FTL: variants seen among roughly 807,000 people sequenced by gnomAD.
The protein encoded by FTL is epididymis secretory sperm binding protein.
Under a neutral mutation model 16.6 loss-of-function variants are expected in FTL, and 17 were observed. The observed-to-expected ratio is 1.02, with a 90% CI of 0.70 to 1.53. FTL has a LOEUF of 1.53. Ranked by LOEUF, FTL falls within the 40% of genes most tolerant of loss-of-function variation. The probability of loss-of-function intolerance (pLI) is 0.00; values close to 1 mark genes in which losing one functional copy is unlikely to be tolerated. For missense variants in FTL, 186 were observed against 226.1 expected (o/e 0.82, Z 1.14); for synonymous variants, 73 against 89.9 (o/e 0.81, Z 1.06).
intron 2 of FTL, 60 bp from the exon 3 acceptor site, chr19:48,966,221 G>A: frequency 6.2e-7 from 1 of 1,611,928 alleles, no homozygotes. Flanking sequence ...CTTGGGAAAT[G>A]TAGGTTTAGT....
intron 2 of FTL, 86 bp downstream of exon 2, chr19:48,966,002 G>C (rs746300071): frequency 6.5e-7 from 1 of 1,529,636 alleles, no homozygotes; most frequent in Non-Finnish European, 8.9e-7. Context: ...GTGTCGCGTG[G>C]GCTTCTGGGA....
chr19:48,965,591 C>CTACACCT lies in FTL; in HGVS notation c.85_91dup (p.Tyr31LeufsTer14), dbSNP rs2038442331. 1 of 1,613,508 alleles carries CTACACCT rather than the reference C, an allele frequency of 6.2e-7. No homozygotes were observed. Among genetic ancestry groups the CTACACCT allele is most frequent in the East Asian group, 2.2e-5 (1 of 44,870 alleles). On this transcript the variant is annotated frameshift_variant, in exon 1 of 4. Transcript: ENST00000331825. ...TGGTCAATTTGTACCTGCAGGCCTC[C>CTACACCT]TACACCTACCTCTCTCTGGTGAGTC...
chr19:48,966,427 T>C (rs1342442503), intron 3 of FTL, 21 bp downstream of exon 3: 2 of 1,614,022 alleles, frequency 1.2e-6, no homozygotes, highest in African/African-American at 1.3e-5. Flanking sequence ...GCTGCATCCA[T>C]GGCTACCCAA....
Position 48,965,827 on chromosome 19 carries a change from G to A in FTL, c.160G>A (p.Glu54Lys), listed in dbSNP as rs1206340393. The change falls in exon 2 of 4, where the codon GAA becomes AAA. Residue 54 changes from glutamate (E) to lysine (K), a missense_variant. Transcript: ENST00000331825. ...GGAAGGCGTGAGCCACTTCTTCCGC[G>A]AATTGGCCGAGGAGAAGCGCGAGGG... ...ALEGVSHFFRELAEEKREGYE... is the reference protein window; with the variant it reads ...ALEGVSHFFRKLAEEKREGYE... The A allele has an allele frequency of 2.5e-6, 4 of 1,614,050 alleles. No individual in the cohort carries two copies. The highest frequency in any genetic ancestry group is 3.4e-6 in the Non-Finnish European group (4 of 1,180,038).
At chr19:48,966,518 A>G in intron 3 of FTL, 65 bp from the exon 4 acceptor site, 1 of 1,612,232 alleles carries the variant, frequency 6.2e-7, no homozygotes, top group Non-Finnish European at 8.5e-7. Flanking sequence ...TTAATCTGCA[A>G]CTGGCTGCTC....
chr19:48,965,603 C>T lies in FTL; in HGVS notation c.96C>T (p.Leu32=), dbSNP rs1240532060. The part of the protein sequence containing the change: ...NLYLQASYTY[L]SLGFYFDRDD... ...ACCTGCAGGCCTCCTACACCTACCT[C>T]TCTCTGGTGAGTCCCCAGGACGCCC... Residue 32 remains leucine, a synonymous_variant, in exon 1 of 4, where the codon CTC becomes CTT. Coordinates refer to ENST00000331825, the MANE Select transcript of FTL (RefSeq NM_000146.4). 6.2e-7 allele frequency: 1 copy of T among 1,612,888 alleles called. No homozygotes were observed. Among genetic ancestry groups the T allele is most frequent in the Non-Finnish European group, 8.5e-7 (1 of 1,178,944 alleles).
chr19:48,966,472 A>T (rs1294207956), intron 3 of FTL, 66 bp downstream of exon 3: 1 of 1,613,534 alleles, frequency 6.2e-7, no homozygotes, highest in African/African-American at 1.3e-5. Flanking sequence ...CTTTGGGCAA[A>T]TTTCCTTCAG....
chr19:48,965,729 C>T (rs1329155373), intron 1 of FTL, 41 bp from the exon 2 acceptor site: 2 of 1,613,704 alleles, frequency 1.2e-6, no homozygotes, highest in African/African-American at 1.3e-5. Context: ...CCCTTGGCCT[C>T]GCCTCCCGCT....
In FTL at chr19:48,965,922, T is replaced by G. The variant is rs376987924; in HGVS notation, c.249+6T>G. On this transcript the variant is annotated splice_donor_region_variant and intron_variant, in intron 2 of 3. Transcript: ENST00000331825. ...CTCTCTTCCAGGACATCAAGGTAAC[T>G]AGTGTGTGGGTAATGGACTACATCT... is the stretch of plus-strand genomic sequence containing the variant. The G allele has an allele frequency of 2.4e-5, 39 of 1,613,850 alleles. No homozygotes were observed. Among genetic ancestry groups the G allele is most frequent in the African/African-American group, 6.7e-5 (5 of 74,922 alleles).
intron 2 of FTL, 146 bp from the exon 3 acceptor site, chr19:48,966,135 T>C: frequency 7.5e-7 from 1 of 1,325,260 alleles, no homozygotes; most frequent in Non-Finnish European, 1.1e-6. Flanking sequence ...CTGTAAGAGC[T>C]AGGACAGGGT....
Position 48,966,746 on chromosome 19 carries a change from A to G in FTL, c.*11A>G, listed in dbSNP as rs3211588. The stretch of plus-strand genomic sequence containing the variant: ...CTCAAGCACGACTAAGAGCCTTCTG[A>G]GCCCAGCGACTTCTGAAGGGCCCCT... On this transcript the variant is annotated 3_prime_UTR_variant, in exon 4 of 4. Coordinates refer to ENST00000331825, the MANE Select transcript of FTL (RefSeq NM_000146.4). 15 of 1,612,438 alleles carry G rather than the reference A, an allele frequency of 9.3e-6. No homozygotes were observed. The highest frequency in any genetic ancestry group is 1.3e-5 in the Non-Finnish European group (15 of 1,179,870).
Position 48,966,609 on chromosome 19 carries a change from C to G in FTL, c.402C>G (p.Phe134Leu). 1 of 1,614,132 alleles carries G rather than the reference C, an allele frequency of 6.2e-7. No individual in the cohort carries two copies. The highest frequency in any genetic ancestry group is 8.5e-7 in the Non-Finnish European group (1 of 1,180,012). The change falls in exon 4 of 4, where the codon TTC (phenylalanine) becomes TTG (leucine). Residue 134 changes from phenylalanine (F) to leucine (L), a missense_variant. Phe to Leu is a conservative substitution (Grantham distance 22, BLOSUM62 0). Transcript: ENST00000331825. ...PHLCDFLETHFLDEEVKLIKK... is the reference protein window; with the variant it reads ...PHLCDFLETHLLDEEVKLIKK... ...TCTGTGACTTCCTGGAGACTCACTT[C>G]CTAGATGAGGAAGTGAAGCTTATCA...
chr19:48,965,398 C>T lies in FTL; in HGVS notation c.-110C>T. On this transcript the variant is annotated 5_prime_UTR_variant, in exon 1 of 4. Transcript: ENST00000331825. ...GACTCTCTTCCAGCCTCCGACCGCC[C>T]TCCGATTTCCTCTCCGCTTGCAACC... The T allele has an allele frequency of 1.0e-5, 8 of 780,224 alleles. No individual in the cohort carries two copies. The highest frequency in any genetic ancestry group is 1.6e-5 in the Non-Finnish European group (7 of 441,234). 48.3% of individuals were successfully genotyped at this position (780,224 alleles called of 1,614,324 possible). A position where few individuals can be genotyped will look rare whatever the true frequency, so the allele number is the denominator to read the frequency against.
rs1568611976 is a variant in FTL, at chr19:48,965,345, A to G, written c.-163A>G. 2 of 678,320 alleles carry G rather than the reference A, an allele frequency of 2.9e-6. No homozygotes were observed. Among genetic ancestry groups the G allele is most frequent in the Admixed American group, 2.0e-5 (1 of 48,792 alleles). The allele number at this position is 678,320 out of a possible 1,614,324, so 42.0% of individuals were successfully genotyped here. The stretch of plus-strand genomic sequence containing the variant: ...GTCCCGCGGGTCTGTCTCTTGCTTC[A>G]ACAGTGTTTGGACGGAACAGATCCG... On this transcript the variant is annotated 5_prime_UTR_variant, in exon 1 of 4. Coordinates refer to ENST00000331825, the MANE Select transcript of FTL (RefSeq NM_000146.4).
rs11553205 is a variant in FTL, at chr19:48,965,536, C to G, written c.29C>G (p.Ser10Cys). 1 of 1,613,858 alleles carries G rather than the reference C, an allele frequency of 6.2e-7. No homozygotes were observed. Among genetic ancestry groups the G allele is most frequent in the Admixed American group, 1.7e-5 (1 of 59,996 alleles). MSSQIRQNY[S>C]TDVEAAVNSL... is the part of the protein sequence containing the mutation. ...AGCTCCCAGATTCGTCAGAATTATT[C>G]CACCGACGTGGAGGCAGCCGTCAAC... The change falls in exon 1 of 4, where the codon TCC (serine) becomes TGC (cysteine). Residue 10 changes from serine (S) to cysteine (C), a missense_variant. Coordinates refer to ENST00000331825, the MANE Select transcript of FTL (RefSeq NM_000146.4).
chr19:48,966,594 C>T lies in FTL; in HGVS notation c.387C>T (p.Phe129=), dbSNP rs770055098. Reference sequence around the variant, plus strand: ...CTCTTCTCTCTCAGCTCTGTGACTTCCTGGAGACTCACTTCCTAGATGAGG... The same window carrying T: ...CTCTTCTCTCTCAGCTCTGTGACTTTCTGGAGACTCACTTCCTAGATGAGG... The part of the protein sequence containing the change: ...SARTDPHLCD[F]LETHFLDEEV... The change falls in exon 4 of 4, where the codon TTC becomes TTT. Residue 129 remains phenylalanine (F), a synonymous_variant. Transcript: ENST00000331825. 1.9e-6 allele frequency: 3 copies of T among 1,614,018 alleles called. No individual in the cohort carries two copies. Among genetic ancestry groups the T allele is most frequent in the South Asian group, 1.1e-5 (1 of 91,088 alleles).
At chr19:48,966,195 C>T in intron 2 of FTL, 86 bp from the exon 3 acceptor site, 3 of 1,592,686 alleles carry the variant, frequency 1.9e-6, no homozygotes, top group Non-Finnish European at 2.6e-6. Context: ...GCCTGGGCCT[C>T]TGACCCCCAA....
Position 48,965,391 on chromosome 19 carries a change from G to T in FTL, c.-117G>T. 1.3e-6 allele frequency: 1 copy of T among 754,582 alleles called. No individual in the cohort carries two copies. Among genetic ancestry groups the T allele is most frequent in the South Asian group, 1.4e-5 (1 of 71,508 alleles). The allele number at this position is 754,582 out of a possible 1,614,324, so 46.7% of individuals were successfully genotyped here. A position where few individuals can be genotyped will look rare whatever the true frequency, so the allele number is the denominator to read the frequency against. On this transcript the variant is annotated 5_prime_UTR_variant, in exon 1 of 4. Transcript: ENST00000331825. ...ATCCGGGGACTCTCTTCCAGCCTCC[G>T]ACCGCCCTCCGATTTCCTCTCCGCT...
In FTL at chr19:48,965,915, A is replaced by G. The variant is rs1403032076; in HGVS notation, c.248A>G (p.Lys83Arg). The change falls in exon 2 of 4, where the codon AAG becomes AGG. Residue 83 changes from lysine (K) to arginine (R), a missense_variant and splice_region_variant. By Grantham distance (26) the Lys-to-Arg change is conservative (BLOSUM62 2). Transcript: ENST00000331825. Reference sequence around the variant, plus strand: ...GGCCGCGCTCTCTTCCAGGACATCAAGGTAACTAGTGTGTGGGTAATGGAC... The same window carrying G: ...GGCCGCGCTCTCTTCCAGGACATCAGGGTAACTAGTGTGTGGGTAATGGAC... The part of the protein sequence containing the change: ...RGGRALFQDI[K>R]KPAEDEWGKT... The G allele has an allele frequency of 7.4e-6, 12 of 1,614,050 alleles. No individual in the cohort carries two copies. Among genetic ancestry groups the G allele is most frequent in the Middle Eastern group, 1.6e-4 (1 of 6,062 alleles).
Sources: gnomAD v4.1 joint callset for allele counts on GRCh38, gnomAD v4.1.1 for gene constraint, MANE v1.5 for transcripts, NCBI Gene and HGNC (gene_info 2026-07-23, HGNC 2026-07-21) for gene names.